VEPH1: variants seen among roughly 807,000 people sequenced by gnomAD.
VEPH1 encodes the protein ventricular zone-expressed PH domain-containing protein homolog 1.
A neutral mutation model predicts 85.2 loss-of-function variants in VEPH1; 80 were observed. The ratio of observed to expected loss-of-function variants is 0.94; its 90% CI spans 0.78 to 1.13. VEPH1 has a LOEUF of 1.13. Among genes scored for constraint, VEPH1 ranks in the 50% most tolerant of loss-of-function variants. VEPH1 has a pLI of 0.00. For synonymous variants in VEPH1, 297 were observed against 348.0 expected (o/e 0.85, Z 1.63); for missense variants, 955 against 980.5 (o/e 0.97, Z 0.35).
At chr3:157,419,092 A>G (rs939140229) in intron 5 of VEPH1, among the ~76,000 whole-genome samples, 2 of 152,194 alleles carry the variant, frequency 1.3e-5, no homozygotes, top group African/African-American at 4.8e-5. Context: ...AGGATTTTCT[A>G]TTCAATAAAT....
intron 7 of VEPH1, among the ~76,000 whole-genome samples, chr3:157,374,702 G>A (rs1450186374): frequency 6.6e-6 from 1 of 152,164 alleles, no homozygotes; most frequent in Non-Finnish European, 1.5e-5. Context: ...TGTGATGGTG[G>A]GTGGAAAAGG....
At chr3:157,437,932 G>A (rs1225648299) in intron 4 of VEPH1, 3 of 1,528,614 alleles carry the variant, frequency 2.0e-6, no homozygotes, top group Admixed American at 4.0e-5. Flanking sequence ...GGCAAGCGGG[G>A]CCGGGACCTC....
intron 9 of VEPH1, among the ~76,000 whole-genome samples, chr3:157,319,196 AGAG>A (rs1482476062): frequency 6.6e-6 from 1 of 152,224 alleles, no homozygotes; most frequent in Non-Finnish European, 1.5e-5. Context: ...TTGGTACAGA[AGAG>A]GACTAGTTTT....
intron 11 of VEPH1, among the ~76,000 whole-genome samples, chr3:157,304,318 T>A (rs1406884064): frequency 6.6e-6 from 1 of 152,110 alleles, no homozygotes; most frequent in Non-Finnish European, 1.5e-5. Context: ...ACATTTTACT[T>A]CAGCAGAAAA....
chr3:157,397,036 C>T (rs1287824611), intron 6 of VEPH1, among the ~76,000 whole-genome samples: 2 of 152,152 alleles, frequency 1.3e-5, no homozygotes, highest in Non-Finnish European at 2.9e-5. Context: ...ACTGATATTA[C>T]CTAGATTTTC....
chr3:157,460,937 A>G (rs968175989), intron 3 of VEPH1, among the ~76,000 whole-genome samples: 1 of 152,142 alleles, frequency 6.6e-6, no homozygotes, highest in Non-Finnish European at 1.5e-5. Context: ...TTTGGCATTG[A>G]TCTTTAGGGT....
At position 157,364,990 on chromosome 3, in the gene VEPH1, T is replaced by C. The variant is rs77513292; in HGVS notation, c.1128-478A>G. Among the ~76,000 whole-genome samples, 1,008 of 152,340 alleles carry C rather than the reference T, an allele frequency of 6.6e-3. 19 individuals carry two copies. Among genetic ancestry groups the C allele is most frequent in the African/African-American group, 0.023 (960 of 41,576 alleles). On this transcript the variant is annotated intron_variant, in intron 7 of 13. Transcript: ENST00000362010. Reference sequence around the variant, plus strand: ...AACTCTTATACCTTCCAAGGAGAAATATCTTTCTGAATTTTAAGATGTTGG... The same window carrying C: ...AACTCTTATACCTTCCAAGGAGAAACATCTTTCTGAATTTTAAGATGTTGG...
intron 11 of VEPH1, among the ~76,000 whole-genome samples, chr3:157,306,620 T>A (rs1284857834): frequency 6.6e-6 from 1 of 152,052 alleles, no homozygotes; most frequent in East Asian, 1.9e-4. Context: ...TTAGTATTTC[T>A]GTACATGTTT....
chr3:157,482,489 C>T (rs964557215), intron 2 of VEPH1, among the ~76,000 whole-genome samples: 1 of 152,188 alleles, frequency 6.6e-6, no homozygotes, highest in Non-Finnish European at 1.5e-5. Context: ...CCCCAAAGTG[C>T]TGGAATTACA....
At position 157,503,268 on chromosome 3, in the gene VEPH1, T is replaced by C. The variant is rs1464652777; in HGVS notation, c.-158+9A>G. On this transcript the variant is annotated intron_variant, in intron 1 of 13. Coordinates refer to ENST00000362010, the MANE Select transcript of VEPH1 (RefSeq NM_001167912.2). The stretch of plus-strand genomic sequence containing the variant: ...CTGAACAAAAGGTCATGAAAGAAGA[T>C]AGCCATACCTCTTTGCACAGGAATC... 2 of 152,238 alleles carry C rather than the reference T, an allele frequency of 1.3e-5. No individual in the cohort carries two copies. Among genetic ancestry groups the C allele is most frequent in the Non-Finnish European group, 2.9e-5 (2 of 68,046 alleles). The allele number at this position is 152,238 out of a possible 1,614,324, so 9.4% of individuals were successfully genotyped here.
intron 11 of VEPH1, among the ~76,000 whole-genome samples, chr3:157,304,036 T>TACACACACAC (rs1467938916): frequency 2.8e-5 from 2 of 70,198 alleles, no homozygotes; most frequent in Non-Finnish European, 7.8e-5. Flanking sequence ...TATATATATA[T>TACACACACAC]ATACACACAT....
At position 157,470,344 on chromosome 3, in the gene VEPH1, G is replaced by C. The variant is rs773384515; in HGVS notation, c.324C>G (p.Ile108Met). The C allele has an allele frequency of 6.2e-7, 1 of 1,614,028 alleles. No homozygotes were observed. Among genetic ancestry groups the C allele is most frequent in the East Asian group, 2.2e-5 (1 of 44,866 alleles). ...GKDEDTPHAK[I>M]ASDIMSCILQ... ...AAATGCAACTCATGATATCAGATGC[G>C]ATTTTTGCATGAGGAGTGTCTTCGT... The change falls in exon 3 of 14, where the codon ATC becomes ATG. Residue 108 changes from isoleucine (I) to methionine (M), a missense_variant. Transcript: ENST00000362010.
intron 2 of VEPH1, among the ~76,000 whole-genome samples, chr3:157,474,048 C>G (rs371818800): frequency 6.6e-6 from 1 of 151,796 alleles, no homozygotes; most frequent in Non-Finnish European, 1.5e-5. Flanking sequence ...AATTTTTTTG[C>G]GTCAATATTT....
chr3:157,450,048 CTTT>C (rs761761440), intron 4 of VEPH1, among the ~76,000 whole-genome samples: 10 of 77,322 alleles, frequency 1.3e-4, no homozygotes, highest in African/African-American at 3.3e-4. Flanking sequence ...AGAATATTTA[CTTT>C]TTTTTTTTTT....
intron 6 of VEPH1, among the ~76,000 whole-genome samples, chr3:157,410,970 G>T (rs1731487635): frequency 1.3e-5 from 2 of 152,170 alleles, no homozygotes; most frequent in Admixed American, 1.3e-4. Flanking sequence ...AAATCCAGGT[G>T]ACATGCTCCA....
intron 9 of VEPH1, among the ~76,000 whole-genome samples, chr3:157,332,252 T>C (rs1211516306): frequency 6.6e-6 from 1 of 152,172 alleles, no homozygotes; most frequent in Non-Finnish European, 1.5e-5. Flanking sequence ...AACATAAAAT[T>C]TACCATTTTG....
intron 7 of VEPH1, among the ~76,000 whole-genome samples, chr3:157,376,435 G>A (rs896838249): frequency 6.6e-5 from 10 of 152,200 alleles, no homozygotes; most frequent in African/African-American, 2.4e-4. Flanking sequence ...ACTTGATGTT[G>A]AAGGGTAGAT....
chr3:157,373,249 A>G lies in VEPH1; in HGVS notation c.1127+7907T>C, dbSNP rs552790392. Among the ~76,000 whole-genome samples the G allele has an allele frequency of 1.9e-3, 295 of 152,182 alleles. 8 individuals carry two copies. Among genetic ancestry groups the G allele is most frequent in the Non-Finnish European group, 2.5e-3 (169 of 68,024 alleles). Reference sequence around the variant, plus strand: ...CCTCTAAGTAGGTGTGATTCAGGTTACATCTGAATCTACCCCAGGAATAAG... The same window carrying G: ...CCTCTAAGTAGGTGTGATTCAGGTTGCATCTGAATCTACCCCAGGAATAAG... On this transcript the variant is annotated intron_variant, in intron 7 of 13. Transcript: ENST00000362010.
intron 2 of VEPH1, among the ~76,000 whole-genome samples, chr3:157,474,686 C>T (rs1577747830): frequency 1.3e-5 from 2 of 152,110 alleles, no homozygotes. Flanking sequence ...CATTTGAGAA[C>T]AGAGGGCCCT....
Sources: gnomAD v4.1 joint callset for allele counts (sites outside exome capture counted in the v4.1 genomes callset) on GRCh38, gnomAD v4.1.1 for gene constraint, MANE v1.5 for transcripts, NCBI Gene and HGNC (gene_info 2026-07-23, HGNC 2026-07-21) for gene names.